The following SLC2A13 variants were observed in gnomAD, a reference collection of about 807,000 sequenced individuals.
SLC2A13 encodes proton myo-inositol cotransporter.
A neutral mutation model predicts 64.4 loss-of-function variants in SLC2A13; 32 were observed. The observed-to-expected ratio is 0.50, with a 90% CI of 0.37 to 0.67. The LOEUF is 0.67. Ranked by LOEUF, SLC2A13 falls within the 30% of genes least tolerant of loss-of-function variation. The pLI, the probability that SLC2A13 is intolerant of heterozygous loss-of-function variation, is 0.00. For synonymous variants in SLC2A13, 338 were observed against 327.1 expected (o/e 1.03, Z -0.36); for missense variants, 743 against 829.2 (o/e 0.90, Z 1.28).
At chr12:39,866,127 T>C (rs1301158309) in intron 5 of SLC2A13, among the ~76,000 whole-genome samples, 2 of 152,234 alleles carry the variant, frequency 1.3e-5, no homozygotes. Context: ...TTAGTAGTAG[T>C]TAAGGTTTTA....
chr12:39,885,386 T>C (rs1031492763), intron 4 of SLC2A13, among the ~76,000 whole-genome samples: 1 of 152,156 alleles, frequency 6.6e-6, no homozygotes, highest in Admixed American at 6.5e-5. Flanking sequence ...ATGGGCTTTA[T>C]TCAGTCATCT....
chr12:39,821,098 GT>G (rs1326023913), intron 7 of SLC2A13, among the ~76,000 whole-genome samples: 4 of 151,928 alleles, frequency 2.6e-5, no homozygotes, highest in Non-Finnish European at 5.9e-5. Flanking sequence ...TTGTTCAATG[GT>G]TTTCTTTAGA....
chr12:39,951,536 C>T (rs1367374249), intron 3 of SLC2A13, among the ~76,000 whole-genome samples, 171 bp from the exon 4 acceptor site: 2 of 152,038 alleles, frequency 1.3e-5, no homozygotes, highest in African/African-American at 4.8e-5. Flanking sequence ...TTTTATTTTG[C>T]AAACAGATAG....
chr12:40,049,055 G>A (rs1036415858), intron 1 of SLC2A13, among the ~76,000 whole-genome samples: 1 of 152,176 alleles, frequency 6.6e-6, no homozygotes, highest in Admixed American at 6.5e-5. Context: ...ATTTCTTAAA[G>A]TCTCACCCTC....
In SLC2A13 at chr12:39,790,212, T is replaced by A. The variant is rs1187898917; in HGVS notation, c.1446-25354A>T. Among the ~76,000 whole-genome samples, 5 of 53,030 alleles carry A rather than the reference T, an allele frequency of 9.4e-5. No individual in the cohort carries two copies. The East Asian group carries it at 3.7e-3, about 39-fold the overall frequency. The allele number at this position is 53,030 out of a possible 152,430, so 34.8% of individuals were successfully genotyped here. A position where few individuals can be genotyped will look rare whatever the true frequency, so the allele number is the denominator to read the frequency against. On this transcript the variant is annotated intron_variant, in intron 7 of 9. Coordinates refer to ENST00000280871, the MANE Select transcript of SLC2A13 (RefSeq NM_052885.4). ...ATAGCCTAAGTGTACAGTGTTTTTT[T>A]TTTCTTCTTCTTCTTTTTTTATTAT...
At chr12:39,798,528 T>C (rs1941659519) in intron 7 of SLC2A13, among the ~76,000 whole-genome samples, 1 of 152,228 alleles carries the variant, frequency 6.6e-6, no homozygotes, top group South Asian at 2.1e-4. Context: ...ATCAAAAATT[T>C]ACAACATACT....
intron 2 of SLC2A13, among the ~76,000 whole-genome samples, chr12:40,035,458 C>T (rs540223257): frequency 6.6e-6 from 1 of 152,288 alleles, no homozygotes; most frequent in African/African-American, 2.4e-5. Flanking sequence ...AGATCCCAGG[C>T]TGGAAAGTTA....
intron 1 of SLC2A13, among the ~76,000 whole-genome samples, chr12:40,098,680 C>A (rs188892967): frequency 6.6e-6 from 1 of 152,288 alleles, no homozygotes; most frequent in African/African-American, 2.4e-5. Flanking sequence ...CACCCAGTAG[C>A]TTTGTGATCA....
At position 39,979,431 on chromosome 12, in the gene SLC2A13, T is replaced by A. The variant is rs890710665; in HGVS notation, c.926-28066A>T. 2.6e-4 allele frequency among the ~76,000 whole-genome samples: 36 copies of A among 138,226 alleles called. 1 individual carries two copies. Among genetic ancestry groups the A allele is most frequent in the African/African-American group, 9.1e-4 (34 of 37,562 alleles). 90.7% of individuals were successfully genotyped at this position (138,226 alleles called of 152,430 possible). A position where few individuals can be genotyped will look rare whatever the true frequency, so the allele number is the denominator to read the frequency against. On this transcript the variant is annotated intron_variant, in intron 3 of 9. Transcript: ENST00000280871. ...AAGAAGTTGAAAACTTTGAAAAAAA[T>A]TTATAAGAATGTATAACTAGAATAA...
intron 1 of SLC2A13, among the ~76,000 whole-genome samples, chr12:40,053,653 G>C (rs949453721): frequency 6.6e-6 from 1 of 152,128 alleles, no homozygotes; most frequent in African/African-American, 2.4e-5. Context: ...TAAAGAGCTT[G>C]GAACAATTAG....
intron 7 of SLC2A13, among the ~76,000 whole-genome samples, chr12:39,801,638 A>C (rs1299889071): frequency 6.6e-6 from 1 of 152,226 alleles, no homozygotes; most frequent in Non-Finnish European, 1.5e-5. Context: ...TAGAATTAGA[A>C]GTCAGCAGAC....
intron 2 of SLC2A13, among the ~76,000 whole-genome samples, chr12:40,046,373 C>G (rs531959285): frequency 6.6e-6 from 1 of 152,100 alleles, no homozygotes; most frequent in African/African-American, 2.4e-5. Context: ...TCTTTCCTAA[C>G]CAGGACTGAG....
rs1173281798 is a variant in SLC2A13, at chr12:40,012,440, A to G, written c.925+15861T>C. On this transcript the variant is annotated intron_variant, in intron 3 of 9. Coordinates refer to ENST00000280871, the MANE Select transcript of SLC2A13 (RefSeq NM_052885.4). Reference sequence around the variant, plus strand: ...TTCTTGTCATTTGGCAAGCGTCTTCACTCCAGGTGTAGAAACTGGAAGTGT... The same window carrying G: ...TTCTTGTCATTTGGCAAGCGTCTTCGCTCCAGGTGTAGAAACTGGAAGTGT... Among the ~76,000 whole-genome samples, 3 of 152,304 alleles carry G rather than the reference A, an allele frequency of 2.0e-5. No homozygotes were observed. The East Asian group carries it at 5.8e-4, about 29-fold the overall frequency.
At chr12:40,066,413 C>T (rs974827719) in intron 1 of SLC2A13, among the ~76,000 whole-genome samples, 60 of 152,070 alleles carry the variant, frequency 3.9e-4, no homozygotes, top group Admixed American at 3.9e-3. Flanking sequence ...TTAAAGAAAG[C>T]GATAAAGCAT....
At chr12:39,928,518 T>C (rs1479872740) in intron 4 of SLC2A13, among the ~76,000 whole-genome samples, 1 of 152,134 alleles carries the variant, frequency 6.6e-6, no homozygotes, top group Non-Finnish European at 1.5e-5. Context: ...CTTAAAAAAT[T>C]AAGGATATTA....
At chr12:39,766,603 T>A (rs1469254846) in intron 7 of SLC2A13, among the ~76,000 whole-genome samples, 1 of 152,036 alleles carries the variant, frequency 6.6e-6, no homozygotes, top group African/African-American at 2.4e-5. Context: ...ACTAAATATT[T>A]CTCTGTAGCA....
At chr12:39,895,534 A>G (rs1286323942) in intron 4 of SLC2A13, among the ~76,000 whole-genome samples, 4 of 133,176 alleles carry the variant, frequency 3.0e-5, no homozygotes, top group African/African-American at 5.6e-5. Context: ...ATATATATAT[A>G]TATATATATA....
At chr12:39,929,604 G>A (rs1945789114) in intron 4 of SLC2A13, among the ~76,000 whole-genome samples, 1 of 152,004 alleles carries the variant, frequency 6.6e-6, no homozygotes, top group Non-Finnish European at 1.5e-5. Context: ...AGCCACAAGA[G>A]AGAGGGGTAA....
chr12:39,900,034 T>A (rs568814877), intron 4 of SLC2A13, among the ~76,000 whole-genome samples: 1 of 152,116 alleles, frequency 6.6e-6, no homozygotes, highest in Non-Finnish European at 1.5e-5. Context: ...GGCTGGTTCA[T>A]TATATGCAAA....
Sources: gnomAD v4.1 joint callset for allele counts (sites outside exome capture counted in the v4.1 genomes callset) on GRCh38, gnomAD v4.1.1 for gene constraint, MANE v1.5 for transcripts, NCBI Gene and HGNC (gene_info 2026-07-23, HGNC 2026-07-21) for gene names.